Variants in RBFOX1 observed in about 807,000 individuals in gnomAD.
RBFOX1 encodes the protein RNA binding fox-1 homolog 1.
RBFOX1 carries 8 observed loss-of-function variants against 57.7 expected under a neutral mutation model. That is an observed-to-expected ratio of 0.14 (90% CI 0.08 to 0.25). RBFOX1 has a LOEUF of 0.25. Among genes scored for constraint, RBFOX1 ranks in the 10% least tolerant of loss-of-function variants. The pLI, the probability that RBFOX1 is intolerant of heterozygous loss-of-function variation, is 1.00. For synonymous variants in RBFOX1, 326 were observed against 222.4 expected, an observed-to-expected ratio of 1.47 and a Z score of -4.15; for missense variants, 611 against 548.5, an observed-to-expected ratio of 1.11 and a Z score of -1.14.
intron 3 of RBFOX1, among the ~76,000 whole-genome samples, chr16:5,644,185 G>T (rs905556304): frequency 6.6e-6 from 1 of 152,298 alleles, no homozygotes; most frequent in South Asian, 2.1e-4. Flanking sequence ...TTAGCCCCTT[G>T]TAGAGTTAAA....
Position 5,348,158 on chromosome 16 carries a change from C to T in RBFOX1, c.219+108053C>T, listed in dbSNP as rs572863129. Among the ~76,000 whole-genome samples the T allele has an allele frequency of 1.4e-4, 22 of 151,796 alleles. No individual in the cohort carries two copies. In the South Asian group the frequency reaches 2.7e-3, roughly 19 times the overall value. ...TCCATCCACCCATGTATCCATCCAC[C>T]CATCCACCTGTCTTTCCACTCAATA... On this transcript the variant is annotated intron_variant, in intron 1 of 2. Coordinates refer to the RBFOX1 transcript ENST00000585867.
At position 5,946,818 on chromosome 16, in the gene RBFOX1, T is replaced by C. The variant is rs142259470; in HGVS notation, c.351+79483T>C. Among the ~76,000 whole-genome samples the C allele has an allele frequency of 8.9e-3, 1,358 of 152,214 alleles. 15 individuals are homozygous for C. The highest frequency in any genetic ancestry group is 0.037 in the Middle Eastern group (11 of 294). ...CAGAATTGAACTGTAGGACACCCAG[T>C]TGGTGATGGCAGAGATTTGGAGCAT... On this transcript the variant is annotated intron_variant, in intron 4 of 19. Transcript: ENST00000641259. The surrounding 1 kb of genome is among the most constrained non-coding windows in gnomAD (Gnocchi z 4.6).
chr16:6,619,126 G>C (rs573922311), intron 2 of RBFOX1, among the ~76,000 whole-genome samples: 2 of 151,804 alleles, frequency 1.3e-5, no homozygotes, highest in Non-Finnish European at 2.9e-5. Flanking sequence ...ACACACACAT[G>C]GTACTTCGCT....
chr16:6,841,662 G>A (rs924928729), intron 3 of RBFOX1, among the ~76,000 whole-genome samples: 2 of 152,074 alleles, frequency 1.3e-5, no homozygotes, highest in African/African-American at 4.8e-5. Flanking sequence ...AGTAGTAACA[G>A]AGTGCTTTAG....
chr16:7,315,437 T>C (rs1426545151), intron 4 of RBFOX1, among the ~76,000 whole-genome samples: 1 of 143,926 alleles, frequency 6.9e-6, no homozygotes, highest in Non-Finnish European at 1.5e-5. Context: ...GACAAATGAT[T>C]AAAGCCCTAC....
chr16:5,286,154 A>G (rs1311863335), intron 1 of RBFOX1, among the ~76,000 whole-genome samples: 1 of 152,146 alleles, frequency 6.6e-6, no homozygotes, highest in African/African-American at 2.4e-5. Context: ...CATCATTGGT[A>G]GTGGTGGTGG....
intron 11 of RBFOX1, among the ~76,000 whole-genome samples, chr16:7,646,558 C>T (rs1018586881): frequency 3.3e-5 from 5 of 152,196 alleles, no homozygotes; most frequent in African/African-American, 7.2e-5. Context: ...CAAAGAGAGC[C>T]CCCCTCATCC....
intron 1 of RBFOX1, among the ~76,000 whole-genome samples, chr16:6,304,998 C>A (rs1032411207): frequency 2.0e-4 from 31 of 151,680 alleles, no homozygotes; most frequent in African/African-American, 6.1e-4. Context: ...GGATAATAAC[C>A]AAAGTGAATC....
intron 10 of RBFOX1, among the ~76,000 whole-genome samples, chr16:7,624,104 T>A (rs1425663857): frequency 6.6e-6 from 1 of 152,202 alleles, no homozygotes; most frequent in Non-Finnish European, 1.5e-5. Context: ...AAGGACTTAG[T>A]TGTTCTGTGC....
chr16:6,242,888 A>G (rs2097547591), intron 1 of RBFOX1, among the ~76,000 whole-genome samples: 1 of 152,134 alleles, frequency 6.6e-6, no homozygotes, highest in Admixed American at 6.6e-5. Flanking sequence ...TTAAAACTTT[A>G]TCAGAGTCGT....
At chr16:7,273,973 G>A (rs566294559) in intron 4 of RBFOX1, among the ~76,000 whole-genome samples, 2 of 152,228 alleles carry the variant, frequency 1.3e-5, no homozygotes, top group African/African-American at 2.4e-5. Context: ...AATCCCCAAG[G>A]ATAGTTCCTG....
chr16:6,733,000 C>T (rs1408146406), intron 3 of RBFOX1, among the ~76,000 whole-genome samples: 1 of 152,128 alleles, frequency 6.6e-6, no homozygotes, highest in Admixed American at 6.5e-5. Context: ...TCTTTATTGG[C>T]ATTTTTTAAA....
chr16:7,077,860 A>G (rs1420898123), intron 4 of RBFOX1, among the ~76,000 whole-genome samples: 1 of 152,150 alleles, frequency 6.6e-6, no homozygotes, highest in Non-Finnish European at 1.5e-5. Context: ...CTCCCAGTCC[A>G]TTAGCTACTT....
At chr16:6,952,778 C>G (rs1272621150) in intron 3 of RBFOX1, among the ~76,000 whole-genome samples, 3 of 152,120 alleles carry the variant, frequency 2.0e-5, no homozygotes, top group East Asian at 3.9e-4. Context: ...GAGTTTGACA[C>G]CAGCCTGGCC....
rs141487787 is a variant in RBFOX1, at chr16:6,745,475, G to A, written c.-16+90825G>A. Among the ~76,000 whole-genome samples the A allele has an allele frequency of 5.1e-4, 78 of 152,184 alleles. No individual in the cohort carries two copies. In the East Asian group the frequency reaches 0.014, roughly 26 times the overall value. The stretch of plus-strand genomic sequence containing the variant: ...TCAAGAATGAGCAGATTTTGTTTTA[G>A]GATTGAAAAGATGCCTTAACATTTG... On this transcript the variant is annotated intron_variant, in intron 3 of 15. Coordinates refer to ENST00000550418, the MANE Select transcript of RBFOX1 (RefSeq NM_018723.4).
At chr16:5,716,508 A>G (rs115390221) in intron 3 of RBFOX1, among the ~76,000 whole-genome samples, 2,065 of 152,370 alleles carry the variant, frequency 0.014, 54 homozygotes, top group African/African-American at 0.047. Context: ...GCAATTAGAT[A>G]CCATCTCACA....
intron 4 of RBFOX1, among the ~76,000 whole-genome samples, chr16:7,383,265 A>AT (rs1044486382): frequency 6.7e-6 from 1 of 149,510 alleles, no homozygotes; most frequent in African/African-American, 2.5e-5. Context: ...ACCCATAAAA[A>AT]TTAAAAAAAA....
chr16:5,256,353 G>T (rs1596318274), intron 1 of RBFOX1, among the ~76,000 whole-genome samples: 1 of 152,116 alleles, frequency 6.6e-6, no homozygotes, highest in Non-Finnish European at 1.5e-5. Context: ...CCAGATCTGG[G>T]AATGTCAAGT....
At position 7,438,827 on chromosome 16, in the gene RBFOX1, C is replaced by G. The variant is rs78737966; in HGVS notation, c.28-79320C>G. On this transcript the variant is annotated intron_variant, in intron 4 of 15. Coordinates refer to ENST00000550418, the MANE Select transcript of RBFOX1 (RefSeq NM_018723.4). ...TGGGCCCAGGCCCAACCTAGACTTTCAACCACGCCAAGCAGCTTGTCAAAG... is the reference window on the plus strand; with the variant it reads ...TGGGCCCAGGCCCAACCTAGACTTTGAACCACGCCAAGCAGCTTGTCAAAG... Among the ~76,000 whole-genome samples, 765 of 152,290 alleles carry G rather than the reference C, an allele frequency of 5.0e-3. 5 individuals carry two copies. The highest frequency in any genetic ancestry group is 0.017 in the African/African-American group (716 of 41,558).
Sources: allele counts gnomAD v4.1 joint callset (sites outside exome capture counted in the v4.1 genomes callset), GRCh38; gene constraint gnomAD v4.1.1; non-coding constraint Gnocchi (gnomAD v3.1); transcripts MANE v1.5; gene names NCBI Gene and HGNC (gene_info 2026-07-23, HGNC 2026-07-21).